Variants in XRCC1 observed in about 807,000 individuals in gnomAD.
The protein encoded by XRCC1 is DNA repair protein XRCC1.
In XRCC1, 52 loss-of-function variants were observed where a neutral mutation model predicts 83.3. The ratio of observed to expected loss-of-function variants is 0.62; its 90% confidence interval spans 0.50 to 0.79. The LOEUF (loss-of-function observed/expected upper bound fraction) is 0.79. XRCC1 is among the 30% of genes least tolerant of loss of function. The pLI is 0.00. For missense variants in XRCC1, 793 were observed against 823.5 expected (o/e 0.96, Z 0.45); for synonymous variants, 281 against 312.6 (o/e 0.90, Z 1.07).
chr19:43,560,875 G>C, intron 3 of XRCC1, 35 bp downstream of exon 3: 1 of 1,544,158 alleles, frequency 6.5e-7, no homozygotes, highest in East Asian at 2.2e-5. Flanking sequence ...GAGGGGCAGA[G>C]GTCAGTATGG....
chr19:43,565,250 A>G (rs1460237636), intron 2 of XRCC1, among the ~76,000 whole-genome samples: 5 of 152,166 alleles, frequency 3.3e-5, no homozygotes, highest in Non-Finnish European at 1.5e-5. Context: ...TGTTCTGTCC[A>G]CCACACTTGG....
rs2307173 is a variant in XRCC1 at position 43,552,121 on chromosome 19, C to A, written c.978G>T (p.Val326=). The A allele has an allele frequency of 7.2e-4, 1,164 of 1,614,116 alleles. 3 individuals are homozygous for A. Among genetic ancestry groups the A allele is most frequent in the South Asian group, 2.4e-3 (222 of 91,084 alleles). ...GGAAGGGGTTCTGGAAGCCACTCAG[C>A]ACCACTACCACACCCTGAAGGATCT... is the stretch of plus-strand genomic sequence containing the variant. ...LGKILQGVVV[V]LSGFQNPFRS... The change falls in exon 9 of 17, where the codon GTG becomes GTT. Residue 326 remains valine (V), a synonymous_variant. Coordinates refer to ENST00000262887, the MANE Select transcript of XRCC1 (RefSeq NM_006297.3).
intron 10 of XRCC1, among the ~76,000 whole-genome samples, chr19:43,549,086 G>A (rs1972550618): frequency 6.6e-6 from 1 of 152,036 alleles, no homozygotes; most frequent in Admixed American, 6.6e-5. Flanking sequence ...ATAAAACGGT[G>A]CCTACAGGAG....
At chr19:43,558,673 T>C (rs1972664533) in intron 3 of XRCC1, among the ~76,000 whole-genome samples, 1 of 151,248 alleles carries the variant, frequency 6.6e-6, no homozygotes, top group South Asian at 2.1e-4. Context: ...TATACATAAA[T>C]AAATAATATG....
At chr19:43,551,546 G>A (rs1344057138) in intron 10 of XRCC1, 25 bp downstream of exon 10, 3 of 1,584,362 alleles carry the variant, frequency 1.9e-6, no homozygotes, top group Non-Finnish European at 2.6e-6. Flanking sequence ...AGGATAAGGA[G>A]CAGGGTTGGC....
At chr19:43,569,497 T>C (rs1449972260) in intron 2 of XRCC1, among the ~76,000 whole-genome samples, 1 of 126,732 alleles carries the variant, frequency 7.9e-6, no homozygotes, top group South Asian at 2.5e-4. Flanking sequence ...AAAAAGACAA[T>C]AGGAGTCGAG....
In XRCC1 at chr19:43,548,004, T is replaced by C. The variant is rs577397895; in HGVS notation, c.1200-1027A>G. 9.5e-5 allele frequency among the ~76,000 whole-genome samples: 11 copies of C among 116,024 alleles called. No individual in the cohort carries two copies. In the South Asian group the frequency reaches 3.1e-3, roughly 33 times the overall value. 76.1% of individuals were successfully genotyped at this position (116,024 alleles called of 152,430 possible). ...TAACATTCCAGGAAAAGGATTTTCC[T>C]AGCTCTAACAACAGTAGCAGGTTCC... On this transcript the variant is annotated intron_variant, in intron 10 of 16. Coordinates refer to ENST00000262887, the MANE Select transcript of XRCC1 (RefSeq NM_006297.3).
chr19:43,575,132 C>A, intron 1 of XRCC1, 130 bp from the exon 2 acceptor site: 1 of 817,108 alleles, frequency 1.2e-6, no homozygotes, highest in Non-Finnish European at 2.0e-6. Flanking sequence ...CGTTAATCCC[C>A]CGACACTCTG....
chr19:43,552,317 G>C (rs1263396090), intron 8 of XRCC1, 42 bp from the exon 9 acceptor site: 2 of 1,453,540 alleles, frequency 1.4e-6, no homozygotes, highest in Non-Finnish European at 1.9e-6. Context: ...ACCACTGGGG[G>C]TCAACCCCCA....
At chr19:43,561,126 A>T in intron 2 of XRCC1, 106 bp from the exon 3 acceptor site, 1 of 894,294 alleles carries the variant, frequency 1.1e-6, no homozygotes, top group East Asian at 2.4e-5. Flanking sequence ...TGTAATGTCA[A>T]TTCTGTGAGG....
At chr19:43,559,683 G>A (rs1972677542) in intron 3 of XRCC1, among the ~76,000 whole-genome samples, 1 of 152,146 alleles carries the variant, frequency 6.6e-6, no homozygotes. Context: ...ACCTGGAAAT[G>A]TGGCAGAAGG....
At chr19:43,575,056 T>A (rs1237817781) in intron 1 of XRCC1, 54 bp from the exon 2 acceptor site, 2 of 1,432,104 alleles carry the variant, frequency 1.4e-6, no homozygotes, top group African/African-American at 1.4e-5. Flanking sequence ...CAGCTAGGCC[T>A]CCAGCTCTCA....
intron 10 of XRCC1, among the ~76,000 whole-genome samples, chr19:43,550,666 T>C (rs1460357361): frequency 6.6e-6 from 1 of 152,162 alleles, no homozygotes; most frequent in Admixed American, 6.5e-5. Context: ...CCCAGTCCCA[T>C]TTTTCCTGCC....
chr19:43,574,864 C>G (rs759127923), intron 2 of XRCC1, 46 bp downstream of exon 2: 1 of 1,519,904 alleles, frequency 6.6e-7, no homozygotes, highest in Non-Finnish European at 9.1e-7. Context: ...TCTGGAACCC[C>G]GGACTCCAGA....
Position 43,543,465 on chromosome 19 carries a change from C to T in XRCC1, c.1829G>A (p.Arg610Gln), listed in dbSNP as rs1308641990. 19 of 1,613,494 alleles carry T rather than the reference C, an allele frequency of 1.2e-5. No individual in the cohort carries two copies. The highest frequency in any genetic ancestry group is 1.6e-4 in the Middle Eastern group (1 of 6,062). Residue 610 changes from arginine (R) to glutamine (Q), a missense_variant, in exon 17 of 17, where the codon CGA becomes CAA. By Grantham distance (43) the Arg-to-Gln change is conservative (BLOSUM62 1). Transcript: ENST00000262887. ...DNPSLAFVRP[R>Q]WIYSCNEKQK... is the part of the protein sequence containing the mutation. ...CTTCTCATTGCAACTGTAGATCCAT[C>T]GGGGACGAACGAATGCCAGGGAGGG... is the stretch of plus-strand genomic sequence containing the variant.
At chr19:43,572,362 T>C (rs1972813553) in intron 2 of XRCC1, among the ~76,000 whole-genome samples, 1 of 152,226 alleles carries the variant, frequency 6.6e-6, no homozygotes, top group African/African-American at 2.4e-5. Flanking sequence ...AACTCCGGGC[T>C]TGGATGTCAT....
chr19:43,546,341 T>TCCAGCCC lies in XRCC1; in HGVS notation c.1427-242_1427-236dup, dbSNP rs1160474563. On this transcript the variant is annotated intron_variant, in intron 12 of 16. Coordinates refer to ENST00000262887, the MANE Select transcript of XRCC1 (RefSeq NM_006297.3). ...GCCCTTCCTCCCTCAGACACAGGAGTCCAGCCCCCAGCCCCTCCTCCCTCA... is the reference window on the plus strand; with the variant it reads ...GCCCTTCCTCCCTCAGACACAGGAGTCCAGCCCCCAGCCCCCAGCCCCTCCTCCCTCA... 4.2e-4 allele frequency among the ~76,000 whole-genome samples: 38 copies of TCCAGCCC among 89,612 alleles called. No homozygotes were observed. The East Asian group carries it at 0.014, about 32-fold the overall frequency. 58.8% of individuals were successfully genotyped at this position (89,612 alleles called of 152,430 possible).
chr19:43,575,491 A>T lies in XRCC1; in HGVS notation c.-33T>A, dbSNP rs763466590. ...TCGTGGGCTTCGCCTGGCCAGAAGG[A>T]TGAGGTAGAGTATGGGGTCCGAGGG... On this transcript the variant is annotated 5_prime_UTR_variant, in exon 1 of 17. Coordinates refer to ENST00000262887, the MANE Select transcript of XRCC1 (RefSeq NM_006297.3). 9 of 1,602,216 alleles carry T rather than the reference A, an allele frequency of 5.6e-6. No individual in the cohort carries two copies. The highest frequency in any genetic ancestry group is 7.7e-6 in the Non-Finnish European group (9 of 1,171,240).
In XRCC1 at chr19:43,561,091, A is replaced by G. The variant is rs1881187312; in HGVS notation, c.145-71T>C. 5 of 1,236,662 alleles carry G rather than the reference A, an allele frequency of 4.0e-6. No individual in the cohort carries two copies. In the Admixed American group the frequency reaches 8.4e-5, roughly 21 times the overall value. 76.6% of individuals were successfully genotyped at this position (1,236,662 alleles called of 1,614,324 possible). ...GGGCTCACTGTGGGACCTCAGGATGAATCTCCTTTGGATCACCATGTCCCT... is the reference window on the plus strand; with the variant it reads ...GGGCTCACTGTGGGACCTCAGGATGGATCTCCTTTGGATCACCATGTCCCT... On this transcript the variant is annotated intron_variant, in intron 2 of 16. Coordinates refer to ENST00000262887, the MANE Select transcript of XRCC1 (RefSeq NM_006297.3).
Sources: gnomAD v4.1 joint callset for allele counts (sites outside exome capture counted in the v4.1 genomes callset) on GRCh38, gnomAD v4.1.1 for gene constraint, MANE v1.5 for transcripts, NCBI Gene and HGNC (gene_info 2026-07-23, HGNC 2026-07-21) for gene names.